Variants in DAP3 observed in about 807,000 individuals in gnomAD.
DAP3 encodes small ribosomal subunit protein mS29.
DAP3 carries 28 observed loss-of-function variants against 51.9 expected under a neutral mutation model. The ratio of observed to expected loss-of-function variants is 0.54; its 90% CI spans 0.40 to 0.74. DAP3 has a LOEUF of 0.74. DAP3 is among the 30% of genes least tolerant of loss of function. The pLI, the probability that DAP3 is intolerant of heterozygous loss-of-function variation, is 0.00. For missense variants in DAP3, 458 were observed against 483.5 expected, an observed-to-expected ratio of 0.95 and a Z score of 0.49; for synonymous variants, 170 against 170.3, an observed-to-expected ratio of 1.00 and a Z score of 0.01.
At chr1:155,731,282 G>A (rs986215060) in intron 9 of DAP3, 74 bp from the exon 10 acceptor site, 70 of 1,348,396 alleles carry the variant, frequency 5.2e-5, no homozygotes, top group African/African-American at 1.3e-4. Flanking sequence ...AAAAAAAATT[G>A]TTGTCAATTG....
chr1:155,729,975 G>A (rs1030006137), intron 9 of DAP3, among the ~76,000 whole-genome samples: 2 of 151,518 alleles, frequency 1.3e-5, no homozygotes, highest in African/African-American at 4.8e-5. Flanking sequence ...AGTTACTCGG[G>A]AGGCTGAGGC....
At chr1:155,730,295 A>G (rs1051279827) in intron 9 of DAP3, among the ~76,000 whole-genome samples, 1 of 150,268 alleles carries the variant, frequency 6.7e-6, no homozygotes, top group African/African-American at 2.5e-5. Context: ...GCACACATAC[A>G]TATTCGTATA....
Position 155,738,431 on chromosome 1 carries a change from T to C in DAP3, c.*189T>C, listed in dbSNP as rs1490065384. On this transcript the variant is annotated 3_prime_UTR_variant, in exon 13 of 13. Coordinates refer to ENST00000368336, the MANE Select transcript of DAP3 (RefSeq NM_004632.4). ...CTGTGAATGCGTGACAATAAGATATTCCCTTGTTCCTAAAACTTTATATCA... is the reference window on the plus strand; with the variant it reads ...CTGTGAATGCGTGACAATAAGATATCCCCTTGTTCCTAAAACTTTATATCA... The C allele has an allele frequency of 6.2e-6, 3 of 482,564 alleles. No individual in the cohort carries two copies. The highest frequency in any genetic ancestry group is 1.1e-5 in the Non-Finnish European group (3 of 274,452). 29.9% of individuals were successfully genotyped at this position (482,564 alleles called of 1,614,324 possible).
intron 4 of DAP3, among the ~76,000 whole-genome samples, chr1:155,724,640 GAA>G (rs936826529): frequency 3.3e-5 from 3 of 91,042 alleles, no homozygotes; most frequent in African/African-American, 6.8e-5. Flanking sequence ...CTCAAAAAAA[GAA>G]AAAAAAAAAA....
chr1:155,692,791 C>T (rs1205325398), intron 1 of DAP3, among the ~76,000 whole-genome samples: 2 of 142,090 alleles, frequency 1.4e-5, no homozygotes, highest in South Asian at 2.1e-4. Context: ...CATTTGCAAT[C>T]GATGCTCTAA....
upstream of DAP3, chr1:155,688,048 C>T (rs1652778106): frequency 1.3e-6 from 2 of 1,551,842 alleles, no homozygotes; most frequent in Non-Finnish European, 1.7e-6. Context: ...GGCCCGAATG[C>T]CGGCCCAAAT....
intron 11 of DAP3, among the ~76,000 whole-genome samples, chr1:155,733,207 G>A (rs1362219336): frequency 6.6e-6 from 1 of 152,348 alleles, no homozygotes; most frequent in African/African-American, 2.4e-5. Context: ...TGACATGTCT[G>A]AGTGAGTGCA....
At chr1:155,707,501 AG>A (rs1244454297) in intron 1 of DAP3, among the ~76,000 whole-genome samples, 1 of 152,144 alleles carries the variant, frequency 6.6e-6, no homozygotes, top group Non-Finnish European at 1.5e-5. Flanking sequence ...GGATATTGAG[AG>A]TTACATTTAA....
At chr1:155,704,557 G>A (rs200063522) in intron 1 of DAP3, among the ~76,000 whole-genome samples, 3 of 152,194 alleles carry the variant, frequency 2.0e-5, no homozygotes, top group South Asian at 2.1e-4. Context: ...TCCCACAAGT[G>A]AAAAGGCAGG....
Position 155,736,985 on chromosome 1 carries a change from G to A in DAP3, c.1033G>A (p.Val345Ile), listed in dbSNP as rs41264967. The stretch of plus-strand genomic sequence containing the variant: ...CCTGGATCCCTTTATTCCCATCCTG[G>A]TTTCCAACTATAACCCAAAGGAATT... ...DALDPFIPILVSNYNPKEFES... is the reference protein window; with the variant it reads ...DALDPFIPILISNYNPKEFES... The change falls in exon 12 of 13, where the codon GTT becomes ATT. Residue 345 changes from valine to isoleucine, a missense_variant. Coordinates refer to ENST00000368336, the MANE Select transcript of DAP3 (RefSeq NM_004632.4). 9,629 of 1,613,976 alleles carry A rather than the reference G, an allele frequency of 6.0e-3. 44 individuals carry two copies. Among genetic ancestry groups the A allele is most frequent in the Middle Eastern group, 0.018 (112 of 6,062 alleles).
At chr1:155,688,781 C>G, upstream of DAP3, 1 of 1,538,638 alleles carries the variant, frequency 6.5e-7, no homozygotes, top group Non-Finnish European at 8.7e-7. Flanking sequence ...CTACACTCCT[C>G]GCGCGTGCGC....
chr1:155,688,082 C>T (rs773355626), upstream of DAP3: 7 of 1,588,498 alleles, frequency 4.4e-6, no homozygotes, highest in Admixed American at 1.2e-4. Flanking sequence ...GTGTCGGAGG[C>T]CGAGAGCGAT....
chr1:155,735,275 G>A (rs1484744199), intron 11 of DAP3, among the ~76,000 whole-genome samples: 1 of 145,418 alleles, frequency 6.9e-6, no homozygotes, highest in Non-Finnish European at 1.5e-5. Flanking sequence ...GAAAAAGAAA[G>A]AAAAAAATAA....
intron 7 of DAP3, among the ~76,000 whole-genome samples, chr1:155,728,331 G>A (rs879597281): frequency 4.6e-5 from 7 of 152,194 alleles, no homozygotes; most frequent in Non-Finnish European, 7.3e-5. Flanking sequence ...GGAGGCCAAG[G>A]CAGGCAGATC....
intron 4 of DAP3, among the ~76,000 whole-genome samples, chr1:155,723,299 A>G (rs1012557370): frequency 2.0e-5 from 3 of 152,094 alleles, no homozygotes; most frequent in Non-Finnish European, 2.9e-5. Flanking sequence ...AAGTGCTGGG[A>G]TTACAGGTGT....
At chr1:155,688,279 C>A (rs1017702078), upstream of DAP3, 2 of 1,589,372 alleles carry the variant, frequency 1.3e-6, no homozygotes, top group Non-Finnish European at 1.7e-6. Context: ...ATCCCGCAAC[C>A]GACACTGGGA....
At chr1:155,708,833 T>A (rs1656333275) in intron 1 of DAP3, among the ~76,000 whole-genome samples, 1 of 151,552 alleles carries the variant, frequency 6.6e-6, no homozygotes, top group African/African-American at 2.4e-5. Flanking sequence ...GCCTCCCAAG[T>A]AGCTGGGACT....
intron 6 of DAP3, chr1:155,726,818 C>T (rs1658664011): frequency 6.6e-6 from 1 of 152,456 alleles, no homozygotes; most frequent in Non-Finnish European, 1.5e-5. Context: ...AGAAGAAAAG[C>T]CTTTACTCCA....
chr1:155,693,822 G>A (rs750156189), intron 1 of DAP3, among the ~76,000 whole-genome samples: 3 of 141,330 alleles, frequency 2.1e-5, no homozygotes, highest in Non-Finnish European at 4.4e-5. Context: ...TTAGCAGGGT[G>A]TGGTGGCACA....
Sources: allele counts gnomAD v4.1 joint callset (sites outside exome capture counted in the v4.1 genomes callset), GRCh38; gene constraint gnomAD v4.1.1; transcripts MANE v1.5; gene names NCBI Gene and HGNC (gene_info 2026-07-23, HGNC 2026-07-21).